KCNH1: variants seen among roughly 807,000 people sequenced by gnomAD.
KCNH1 encodes the protein voltage-gated delayed rectifier potassium channel KCNH1.
Under a neutral mutation model 69.2 loss-of-function variants are expected in KCNH1, and 27 were observed. That is an observed-to-expected ratio of 0.39 (90% CI 0.29 to 0.54). The LOEUF (loss-of-function observed/expected upper bound fraction) is 0.54. Ranked by LOEUF, KCNH1 falls within the 20% of genes least tolerant of loss-of-function variation. The pLI is 0.68. For synonymous variants in KCNH1, 456 were observed against 487.7 expected, an observed-to-expected ratio of 0.93 and a Z score of 0.86; for missense variants, 798 against 1,261.6, an observed-to-expected ratio of 0.63 and a Z score of 5.57.
intron 10 of KCNH1, among the ~76,000 whole-genome samples, chr1:210,708,796 G>C (rs1271690051): frequency 6.6e-6 from 1 of 152,128 alleles, no homozygotes; most frequent in Non-Finnish European, 1.5e-5. Context: ...ATTCCAAAAT[G>C]GAAAGTCTCT....
intron 8 of KCNH1, among the ~76,000 whole-genome samples, chr1:210,801,829 A>G (rs751051994): frequency 1.5e-4 from 23 of 152,362 alleles, no homozygotes; most frequent in African/African-American, 4.8e-4. Flanking sequence ...AAAAGCAGCG[A>G]CTAAGTTCAG....
chr1:210,743,035 G>A (rs1683071875), intron 10 of KCNH1, among the ~76,000 whole-genome samples: 1 of 152,142 alleles, frequency 6.6e-6, no homozygotes, highest in Non-Finnish European at 1.5e-5. Context: ...ATCAAGGAAG[G>A]GGGCCATTTG....
intron 7 of KCNH1, among the ~76,000 whole-genome samples, chr1:210,902,694 G>T (rs149382306): frequency 1.3e-5 from 2 of 152,262 alleles, no homozygotes; most frequent in African/African-American, 4.8e-5. Context: ...ATAGTAAAGC[G>T]GCACACTCTG....
intron 7 of KCNH1, among the ~76,000 whole-genome samples, chr1:210,888,471 T>G (rs1352551564): frequency 1.3e-5 from 2 of 151,898 alleles, no homozygotes; most frequent in African/African-American, 4.8e-5. Flanking sequence ...GATCCAAAAT[T>G]GACACCCTAA....
intron 10 of KCNH1, among the ~76,000 whole-genome samples, chr1:210,763,289 A>C (rs538160477): frequency 3.0e-4 from 45 of 152,284 alleles, no homozygotes; most frequent in African/African-American, 1.0e-3. Context: ...CAAAAGGCAG[A>C]AACATTCGCC....
chr1:210,813,215 A>C (rs754717060), intron 7 of KCNH1, among the ~76,000 whole-genome samples: 5 of 152,196 alleles, frequency 3.3e-5, no homozygotes, highest in Non-Finnish European at 5.9e-5. Context: ...ACCTGAATTG[A>C]ATTAAAAGAC....
At chr1:211,124,820 C>T (rs1207185505) in intron 1 of KCNH1, among the ~76,000 whole-genome samples, 2 of 152,094 alleles carry the variant, frequency 1.3e-5, no homozygotes, top group Non-Finnish European at 2.9e-5. Flanking sequence ...AAAAGAGTCC[C>T]GATTTATAAC....
chr1:210,804,343 A>C (rs1684490220), intron 7 of KCNH1, among the ~76,000 whole-genome samples, 177 bp from the exon 8 acceptor site: 1 of 152,160 alleles, frequency 6.6e-6, no homozygotes, highest in South Asian at 2.1e-4. Flanking sequence ...GGGGGCATGG[A>C]TGCAAAGAAA....
chr1:211,125,649 T>C (rs924713036), intron 1 of KCNH1, among the ~76,000 whole-genome samples: 1 of 152,222 alleles, frequency 6.6e-6, no homozygotes, highest in Admixed American at 6.5e-5. Context: ...TCCAGCACTC[T>C]GAGAATGCCA....
At chr1:210,863,515 C>T (rs1458303595) in intron 7 of KCNH1, among the ~76,000 whole-genome samples, 1 of 152,144 alleles carries the variant, frequency 6.6e-6, no homozygotes, top group Non-Finnish European at 1.5e-5. Flanking sequence ...GAGCTGGTGA[C>T]CAGCTTAGTT....
intron 7 of KCNH1, among the ~76,000 whole-genome samples, chr1:210,909,926 A>G (rs1687193627): frequency 6.6e-6 from 1 of 152,254 alleles, no homozygotes; most frequent in African/African-American, 2.4e-5. Context: ...GAGTCCTCCA[A>G]GTAAAAAATC....
intron 6 of KCNH1, among the ~76,000 whole-genome samples, chr1:210,990,781 C>G (rs996314728): frequency 1.3e-5 from 2 of 151,986 alleles, no homozygotes; most frequent in Non-Finnish European, 2.9e-5. Context: ...AATAAATAAC[C>G]AATATTTGGT....
In KCNH1 at chr1:210,728,055, C is replaced by T. The variant is rs190061246; in HGVS notation, c.2113-43917G>A. Reference sequence around the variant, plus strand: ...ATTGATACTTGTTAAAATGCAGACTCCTAGGGAACATCAAATATCTACTGA... The same window carrying T: ...ATTGATACTTGTTAAAATGCAGACTTCTAGGGAACATCAAATATCTACTGA... On this transcript the variant is annotated intron_variant, in intron 10 of 10. Transcript: ENST00000271751. 3.0e-3 allele frequency among the ~76,000 whole-genome samples: 463 copies of T among 152,300 alleles called. 2 individuals are homozygous for T. Among genetic ancestry groups the T allele is most frequent in the African/African-American group, 0.011 (437 of 41,582 alleles).
At chr1:211,117,455 G>T (rs1691602329) in intron 1 of KCNH1, among the ~76,000 whole-genome samples, 1 of 152,088 alleles carries the variant, frequency 6.6e-6, no homozygotes, top group Non-Finnish European at 1.5e-5. Flanking sequence ...GTTCTTGGGA[G>T]CCCTGAGCTT....
chr1:210,789,652 T>C (rs1684175834), intron 9 of KCNH1, among the ~76,000 whole-genome samples: 1 of 152,202 alleles, frequency 6.6e-6, no homozygotes, highest in Admixed American at 6.5e-5. Context: ...AAGTAGCATA[T>C]ACTCTTAAAG....
At chr1:210,684,185 T>C (rs1479394790) in intron 10 of KCNH1, 47 bp from the exon 11 acceptor site, 1 of 1,477,576 alleles carries the variant, frequency 6.8e-7, no homozygotes, top group Non-Finnish European at 8.9e-7. Context: ...AGCCACATGC[T>C]GGCTGCAGCA....
At chr1:210,717,025 A>AGTT (rs1397921662) in intron 10 of KCNH1, among the ~76,000 whole-genome samples, 1 of 152,036 alleles carries the variant, frequency 6.6e-6, no homozygotes, top group African/African-American at 2.4e-5. Flanking sequence ...CTTCCATTTG[A>AGTT]GTTATATCTT....
intron 6 of KCNH1, among the ~76,000 whole-genome samples, chr1:211,001,548 A>T (rs1007426972): frequency 6.6e-5 from 10 of 152,274 alleles, no homozygotes; most frequent in African/African-American, 2.4e-4. Flanking sequence ...ATATAGGAAC[A>T]CTTTTACACT....
rs1277720253 is a variant in KCNH1 at position 211,103,544 on chromosome 1, C to T, written c.262G>A (p.Glu88Lys). The change falls in exon 3 of 11, where the codon GAG (glutamate) becomes AAG (lysine). Residue 88 changes from glutamate (E) to lysine (K), a missense_variant. By Grantham distance (56) the Glu-to-Lys change is moderately conservative. Around this residue, in one of 4 missense-constraint regions of KCNH1, gnomAD observed 266 missense variants for 457.2 expected, o/e 0.58. Coordinates refer to ENST00000271751, the MANE Select transcript of KCNH1 (RefSeq NM_172362.3). ...DTIEKVRQTF[E>K]NYEMNSFEIL... Reference sequence around the variant, plus strand: ...TCAAAGGAATTCATCTCATAGTTCTCAAATGTTTGCCGCACTTTTTCAATC... The same window carrying T: ...TCAAAGGAATTCATCTCATAGTTCTTAAATGTTTGCCGCACTTTTTCAATC... The T allele has an allele frequency of 1.2e-6, 2 of 1,613,678 alleles. No individual in the cohort carries two copies. Among genetic ancestry groups the T allele is most frequent in the Admixed American group, 3.3e-5 (2 of 59,958 alleles).
Sources: gnomAD v4.1 joint callset for allele counts (sites outside exome capture counted in the v4.1 genomes callset) on GRCh38, gnomAD v4.1.1 for gene constraint, gnomAD v4.1.1 regional missense constraint, MANE v1.5 for transcripts, NCBI Gene and HGNC (gene_info 2026-07-23, HGNC 2026-07-21) for gene names.